The following BTAF1 variants were observed in gnomAD, a reference collection of about 807,000 sequenced individuals.
BTAF1 encodes TATA-binding protein-associated factor 172.
In BTAF1, 38 loss-of-function variants were observed where a neutral mutation model predicts 227.1. That is an observed-to-expected ratio of 0.17 (90% CI 0.13 to 0.22). BTAF1 has a LOEUF of 0.22. BTAF1 is among the 10% of genes least tolerant of loss of function. The pLI, the probability that BTAF1 is intolerant of heterozygous loss-of-function variation, is 1.00. For synonymous variants in BTAF1, 742 were observed against 751.9 expected (o/e 0.99, Z 0.21); for missense variants, 1,598 against 2,204.0 (o/e 0.73, Z 5.51).
intron 14 of BTAF1, among the ~76,000 whole-genome samples, chr10:91,978,742 T>C (rs1847863986): frequency 6.6e-6 from 1 of 151,766 alleles, no homozygotes; most frequent in African/African-American, 2.4e-5. Context: ...TGAAATGTCC[T>C]GTGTTATCAG....
At position 91,951,360 on chromosome 10, in the gene BTAF1, T is replaced by G. The variant is rs201548336; in HGVS notation, c.401-43T>G. 160 of 1,585,684 alleles carry G rather than the reference T, an allele frequency of 1.0e-4. No homozygotes were observed. The Middle Eastern group carries it at 1.0e-3, about 10-fold the overall frequency. ...TTTGATGTGCACGTATTAGAAAACT[T>G]CTTAACTGATTTGGAGAAAACGTAT... On this transcript the variant is annotated intron_variant, in intron 4 of 37. Transcript: ENST00000265990.
At chr10:91,996,782 G>T (rs1245335116) in intron 24 of BTAF1, among the ~76,000 whole-genome samples, 2 of 152,050 alleles carry the variant, frequency 1.3e-5, no homozygotes, top group Non-Finnish European at 2.9e-5. Flanking sequence ...AAATTTTCAT[G>T]TGGAAAGTTT....
At chr10:91,980,696 G>T in intron 15 of BTAF1, 138 bp downstream of exon 15, 1 of 655,224 alleles carries the variant, frequency 1.5e-6, no homozygotes, top group Middle Eastern at 3.6e-4. Context: ...ATGAGACAGA[G>T]AACTAGGCTT....
intron 37 of BTAF1, 104 bp downstream of exon 37, chr10:92,027,404 C>T (rs749851331): frequency 2.9e-6 from 3 of 1,043,156 alleles, no homozygotes; most frequent in Non-Finnish European, 4.1e-6. Context: ...CTTTAGTATC[C>T]ATGAGATCAC....
At chr10:91,935,923 C>CT (rs879769899) in intron 2 of BTAF1, 143 bp downstream of exon 2, 33,368 of 586,046 alleles carry the variant, frequency 0.057, 3 homozygotes, top group East Asian at 0.071. Context: ...AAGACTTAAA[C>CT]TTTTTTTTTT....
At chr10:91,943,888 C>A (rs1291387589) in intron 4 of BTAF1, among the ~76,000 whole-genome samples, 1 of 152,174 alleles carries the variant, frequency 6.6e-6, no homozygotes, top group Non-Finnish European at 1.5e-5. Context: ...TGGTGGGTCA[C>A]ACCTGTAATC....
At chr10:91,959,347 T>C in intron 9 of BTAF1, 193 bp downstream of exon 9, 3 of 1,227,208 alleles carry the variant, frequency 2.4e-6, no homozygotes, top group Non-Finnish European at 3.2e-6. Context: ...GAGAGGTCAG[T>C]GAGCAACATA....
intron 4 of BTAF1, among the ~76,000 whole-genome samples, chr10:91,945,195 A>G (rs374084022): frequency 7.2e-5 from 11 of 152,050 alleles, no homozygotes; most frequent in African/African-American, 2.7e-4. Flanking sequence ...ACCTAAGAGA[A>G]TATTTTCAAG....
chr10:91,993,716 A>G lies in BTAF1; in HGVS notation c.3068A>G (p.Gln1023Arg), dbSNP rs1464131263. The G allele has an allele frequency of 6.4e-7, 1 of 1,574,140 alleles. No homozygotes were observed. Among genetic ancestry groups the G allele is most frequent in the African/African-American group, 1.3e-5 (1 of 74,214 alleles). The change falls in exon 22 of 38, where the codon CAA becomes CGA. Residue 1023 changes from glutamine (Q) to arginine (R), a missense_variant. This residue lies in a region of BTAF1 where 425 missense variants were observed against 491.2 expected (regional missense o/e 0.87). Coordinates refer to ENST00000265990, the MANE Select transcript of BTAF1 (RefSeq NM_003972.3). Reference sequence around the variant, plus strand: ...AAGGCCCAGAAGCCTTACCTGGTACAACGGAGAGGAGCTGAATTTGCTTTG... The same window carrying G: ...AAGGCCCAGAAGCCTTACCTGGTACGACGGAGAGGAGCTGAATTTGCTTTG... ...LDEAQKPYLV[Q>R]RRGAEFALTT...
chr10:91,927,481 A>G (rs1467263846), intron 1 of BTAF1, among the ~76,000 whole-genome samples: 4 of 152,164 alleles, frequency 2.6e-5, no homozygotes, highest in Non-Finnish European at 4.4e-5. Flanking sequence ...ACATATTCCT[A>G]TCAGTCATAA....
At chr10:92,010,642 A>G (rs1850233402) in intron 28 of BTAF1, among the ~76,000 whole-genome samples, 1 of 152,154 alleles carries the variant, frequency 6.6e-6, no homozygotes, top group Non-Finnish European at 1.5e-5. Flanking sequence ...GAGATGACTG[A>G]CTGGCCTTGT....
chr10:91,939,653 G>C (rs555770280), intron 2 of BTAF1, among the ~76,000 whole-genome samples: 22 of 152,128 alleles, frequency 1.4e-4, no homozygotes, highest in Non-Finnish European at 2.4e-4. Flanking sequence ...GGCCAAGCTG[G>C]TCTTGAACTC....
At chr10:91,988,252 T>C (rs1848537639) in intron 19 of BTAF1, among the ~76,000 whole-genome samples, 1 of 152,222 alleles carries the variant, frequency 6.6e-6, no homozygotes, top group South Asian at 2.1e-4. Context: ...TTATATCTTA[T>C]TTATCTTTTA....
intron 4 of BTAF1, among the ~76,000 whole-genome samples, chr10:91,946,156 T>A (rs565062047): frequency 1.3e-5 from 2 of 152,264 alleles, no homozygotes; most frequent in African/African-American, 4.8e-5. Context: ...GTCAGGAGTT[T>A]GAGACCAGCC....
intron 18 of BTAF1, among the ~76,000 whole-genome samples, chr10:91,983,530 G>GGT (rs1848203018): frequency 6.6e-6 from 1 of 152,226 alleles, no homozygotes; most frequent in Non-Finnish European, 1.5e-5. Context: ...GGCAGGAGTT[G>GGT]GTGTGCTGGA....
chr10:91,947,136 C>A (rs1845424532), intron 4 of BTAF1, among the ~76,000 whole-genome samples: 2 of 152,188 alleles, frequency 1.3e-5, no homozygotes, highest in African/African-American at 2.4e-5. Context: ...AGCCATCACC[C>A]CCAGCCTGAT....
chr10:91,939,693 C>T (rs1844866226), intron 2 of BTAF1, among the ~76,000 whole-genome samples: 1 of 152,212 alleles, frequency 6.6e-6, no homozygotes. Context: ...CCACCTCGGT[C>T]TCCCAAAGTG....
chr10:92,024,797 G>A lies in BTAF1; in HGVS notation c.4905G>A (p.Glu1635=), dbSNP rs531472969. 1.4e-5 allele frequency: 23 copies of A among 1,612,492 alleles called. No homozygotes were observed. Among genetic ancestry groups the A allele is most frequent in the Non-Finnish European group, 1.9e-5 (23 of 1,179,716 alleles). The change falls in exon 35 of 38, where the codon GAG becomes GAA. Residue 1635 remains glutamate, a synonymous_variant. Coordinates refer to ENST00000265990, the MANE Select transcript of BTAF1 (RefSeq NM_003972.3). The part of the protein sequence containing the change: ...DCGLGNGSTS[E]SGTESVVAQH... ...GTTTGGGAAATGGCAGCACTTCCGAGAGTGGCACAGAGTCTGTTGTGGCCC... is the reference window on the plus strand; with the variant it reads ...GTTTGGGAAATGGCAGCACTTCCGAAAGTGGCACAGAGTCTGTTGTGGCCC...
chr10:91,934,315 A>C (rs886189968), intron 1 of BTAF1, among the ~76,000 whole-genome samples: 1 of 151,542 alleles, frequency 6.6e-6, no homozygotes, highest in Non-Finnish European at 1.5e-5. Flanking sequence ...GCTCATTACA[A>C]CCTCTGCCTC....
Sources: allele counts gnomAD v4.1 joint callset (sites outside exome capture counted in the v4.1 genomes callset), GRCh38; gene constraint gnomAD v4.1.1; regional missense constraint gnomAD v4.1.1; transcripts MANE v1.5; gene names NCBI Gene and HGNC (gene_info 2026-07-23, HGNC 2026-07-21).